Variants in FLNB observed in about 807,000 individuals in gnomAD.
FLNB encodes the protein filamin B.
In FLNB, 111 loss-of-function variants were observed where a neutral mutation model predicts 250.6. The observed-to-expected ratio is 0.44, with a 90% CI of 0.38 to 0.52. The LOEUF (loss-of-function observed/expected upper bound fraction) is 0.52. Ranked by LOEUF, FLNB falls within the 20% of genes least tolerant of loss-of-function variation. FLNB has a pLI of 0.00. For missense variants in FLNB, 2,869 were observed against 3,447.8 expected (o/e 0.83, Z 4.20); for synonymous variants, 1,302 against 1,372.1 (o/e 0.95, Z 1.13).
chr3:58,102,398 G>A (rs944956976), intron 9 of FLNB, 58 bp downstream of exon 9: 3 of 1,579,242 alleles, frequency 1.9e-6, no homozygotes, highest in Middle Eastern at 1.7e-4. Context: ...TTGCAGCCAT[G>A]GCATATGGAT....
chr3:58,019,226 C>A (rs567138998), intron 1 of FLNB, among the ~76,000 whole-genome samples: 1 of 152,150 alleles, frequency 6.6e-6, no homozygotes, highest in Non-Finnish European at 1.5e-5. Flanking sequence ...TATAGCTTAA[C>A]GATGGATGGC....
chr3:58,170,291 C>T (rs1208592683), intron 45 of FLNB, among the ~76,000 whole-genome samples: 3 of 152,148 alleles, frequency 2.0e-5, no homozygotes, highest in African/African-American at 4.8e-5. Context: ...ACAACTAGTT[C>T]GTGAGGTATG....
In FLNB at chr3:58,073,664, A is replaced by G. The variant is rs538399012; in HGVS notation, c.293-3382A>G. 2.4e-4 allele frequency among the ~76,000 whole-genome samples: 37 copies of G among 151,746 alleles called. No homozygotes were observed. The East Asian group carries it at 7.2e-3, about 29-fold the overall frequency. ...GTTTCTGTGGGCCAGGAGTCCAGCC[A>G]TGGCTTAAGACCAGGTCCTCTGCTC... On this transcript the variant is annotated intron_variant, in intron 1 of 45. Transcript: ENST00000295956.
chr3:58,088,930 C>T (rs924869067), intron 4 of FLNB, among the ~76,000 whole-genome samples: 4 of 152,132 alleles, frequency 2.6e-5, no homozygotes, highest in African/African-American at 9.7e-5. Context: ...AATGAGCCCC[C>T]CAATCTTGAG....
intron 1 of FLNB, among the ~76,000 whole-genome samples, chr3:58,060,721 A>G (rs1364018342): frequency 8.2e-6 from 1 of 122,216 alleles, no homozygotes; most frequent in Non-Finnish European, 1.6e-5. Flanking sequence ...AGGCTGGGGC[A>G]GGAGGATTGC....
chr3:58,131,994 C>T, intron 25 of FLNB: 1 of 1,536,736 alleles, frequency 6.5e-7, no homozygotes, highest in Non-Finnish European at 8.7e-7. Context: ...TTAAAGGTGA[C>T]CCGAAGGGTG....
intron 25 of FLNB, 71 bp downstream of exon 25, chr3:58,130,979 A>T: frequency 2.0e-6 from 3 of 1,466,926 alleles, no homozygotes; most frequent in Non-Finnish European, 2.8e-6. Flanking sequence ...CCCAGAGCAG[A>T]TGCTTTGCTT....
At chr3:58,136,746 CTTTTTTTTTT>C (rs57053256) in intron 28 of FLNB, among the ~76,000 whole-genome samples, 3 of 79,798 alleles carry the variant, frequency 3.8e-5, no homozygotes, top group Non-Finnish European at 6.5e-5. Context: ...ACAGGCCATT[CTTTTTTTTTT>C]TTTTTTTTTT....
chr3:58,153,109 A>G (rs895214396), intron 38 of FLNB, among the ~76,000 whole-genome samples: 1 of 152,256 alleles, frequency 6.6e-6, no homozygotes, highest in African/African-American at 2.4e-5. Flanking sequence ...ATCTGTGGAA[A>G]GGAGCCCGTC....
intron 33 of FLNB, 107 bp from the exon 34 acceptor site, chr3:58,146,713 C>A (rs2097336333): frequency 1.7e-6 from 2 of 1,165,030 alleles, no homozygotes; most frequent in Non-Finnish European, 2.6e-6. Flanking sequence ...GTGCGTCAAT[C>A]CATTGTCCCC....
At position 58,146,037 on chromosome 3, in the gene FLNB, G is replaced by A. The variant is rs1385636979; in HGVS notation, c.5542G>A (p.Asp1848Asn). 1 of 1,614,198 alleles carries A rather than the reference G, an allele frequency of 6.2e-7. No individual in the cohort carries two copies. The highest frequency in any genetic ancestry group is 1.3e-5 in the African/African-American group (1 of 75,042). The change falls in exon 33 of 46, where the codon GAT becomes AAT. Residue 1848 changes from aspartate to asparagine, a missense_variant. Physicochemically the swap from Asp to Asn is conservative, Grantham distance 23 (BLOSUM62 1). Transcript: ENST00000295956. The stretch of plus-strand genomic sequence containing the variant: ...TGCCACCTTCACCATCGTCACAGAG[G>A]ATGCAGGAGAAGGTACTGTGTGGTT... ...KTATFTIVTE[D>N]AGEGGLDLAI...
chr3:58,078,572 C>A, intron 2 of FLNB, 145 bp from the exon 3 acceptor site: 1 of 1,525,546 alleles, frequency 6.6e-7, no homozygotes, highest in Non-Finnish European at 8.8e-7. Context: ...ATACTTTTTG[C>A]CTATTAAATA....
intron 43 of FLNB, 180 bp downstream of exon 43, chr3:58,163,510 G>A (rs2097365061): frequency 1.4e-5 from 9 of 623,312 alleles, no homozygotes; most frequent in African/African-American, 1.8e-5. Context: ...TTTGACCCAC[G>A]ATAAATCCAG....
At position 58,103,972 on chromosome 3, in the gene FLNB, G is replaced by C. The variant is rs1230146712; in HGVS notation, c.1497G>C (p.Glu499Asp). ...VTMKGPKGLEELVKQKDFLDG... is the reference protein window; with the variant it reads ...VTMKGPKGLEDLVKQKDFLDG... ...TCCTTCCCACAGAGGGTCTGGAGGAGCTGGTGAAGCAGAAAGACTTTCTGG... is the reference window on the plus strand; with the variant it reads ...TCCTTCCCACAGAGGGTCTGGAGGACCTGGTGAAGCAGAAAGACTTTCTGG... The change falls in exon 10 of 46, where the codon GAG becomes GAC. Residue 499 changes from glutamate (E) to aspartate (D), a missense_variant. Glu to Asp is a conservative substitution (Grantham distance 45, BLOSUM62 2). This residue lies in a region of FLNB where 1,348 missense variants were observed against 1,466.7 expected (regional missense o/e 0.92). Coordinates refer to ENST00000295956, the MANE Select transcript of FLNB (RefSeq NM_001457.4). 9 of 1,614,136 alleles carry C rather than the reference G, an allele frequency of 5.6e-6. No individual in the cohort carries two copies. Among genetic ancestry groups the C allele is most frequent in the Non-Finnish European group, 7.6e-6 (9 of 1,180,024 alleles).
chr3:58,146,827 G>T lies in FLNB; in HGVS notation c.5562G>T (p.Leu1854=). 6.2e-7 allele frequency: 1 copy of T among 1,614,186 alleles called. No individual in the cohort carries two copies. The highest frequency in any genetic ancestry group is 8.5e-7 in the Non-Finnish European group (1 of 1,180,030). Residue 1854 remains leucine (L), a synonymous_variant, in exon 34 of 46, where the codon CTG becomes CTT. Coordinates refer to ENST00000295956, the MANE Select transcript of FLNB (RefSeq NM_001457.4). Reference sequence around the variant, plus strand: ...CCCTGTTCCCACTTGTAGGTGGTCTGGACTTGGCTATTGAGGGCCCCTCAA... The same window carrying T: ...CCCTGTTCCCACTTGTAGGTGGTCTTGACTTGGCTATTGAGGGCCCCTCAA... ...IVTEDAGEGG[L]DLAIEGPSKA...
intron 41 of FLNB, among the ~76,000 whole-genome samples, chr3:58,157,912 G>A (rs1175033466): frequency 6.6e-6 from 1 of 152,218 alleles, no homozygotes; most frequent in Non-Finnish European, 1.5e-5. Context: ...AGCTGCTGCC[G>A]CAGGAGAAGT....
Position 58,142,886 on chromosome 3 carries a change from G to A in FLNB, c.5284+134G>A, listed in dbSNP as rs1460804975. The A allele has an allele frequency of 5.4e-6, 4 of 741,118 alleles. No individual in the cohort carries two copies. The highest frequency in any genetic ancestry group is 2.6e-5 in the East Asian group (1 of 38,172). 45.9% of individuals were successfully genotyped at this position (741,118 alleles called of 1,614,324 possible). On this transcript the variant is annotated intron_variant, in intron 31 of 45. Coordinates refer to ENST00000295956, the MANE Select transcript of FLNB (RefSeq NM_001457.4). This position sits in a 1 kb window ranked among gnomAD's most constrained non-coding sequence, Gnocchi z 4.3. ...CAGGGTCACGAGTTCTTGGTCTCCG[G>A]TGTTGGGCCGTGGGCTCCTGAAACT...
Position 58,126,583 on chromosome 3 carries a change from T to C in FLNB, c.4062-19T>C. The C allele has an allele frequency of 6.2e-7, 1 of 1,613,160 alleles. No individual in the cohort carries two copies. On this transcript the variant is annotated intron_variant, in intron 23 of 45. Transcript: ENST00000295956. The stretch of plus-strand genomic sequence containing the variant: ...TAAATAAATGGTGCACATTTCACTT[T>C]CTTTTCCACTCTTTCCAGAGGCGCA...
In FLNB at chr3:58,169,890, C is replaced by T. The variant is rs554904972; in HGVS notation, c.7621+97C>T. On this transcript the variant is annotated intron_variant, in intron 45 of 45. Coordinates refer to ENST00000295956, the MANE Select transcript of FLNB (RefSeq NM_001457.4). This position sits in a 1 kb window ranked among gnomAD's most constrained non-coding sequence, Gnocchi z 4.8. ...CCCTGCTGAGGTCTCCTGCAGTGCC[C>T]ACCCCCATGTAGGCCAGCCGTTTGC... 19 of 914,710 alleles carry T rather than the reference C, an allele frequency of 2.1e-5. No homozygotes were observed. The South Asian group carries it at 2.8e-4, about 13-fold the overall frequency. The allele number at this position is 914,710 out of a possible 1,614,324, so 56.7% of individuals were successfully genotyped here. A position where few individuals can be genotyped will look rare whatever the true frequency, so the allele number is the denominator to read the frequency against.
Sources: allele counts gnomAD v4.1 joint callset (sites outside exome capture counted in the v4.1 genomes callset), GRCh38; gene constraint gnomAD v4.1.1; regional missense constraint gnomAD v4.1.1; non-coding constraint Gnocchi (gnomAD v3.1); transcripts MANE v1.5; gene names NCBI Gene and HGNC (gene_info 2026-07-23, HGNC 2026-07-21).